SEPTIN10: variants seen among roughly 807,000 people sequenced by gnomAD.
SEPTIN10 encodes septin 10.
SEPTIN10 carries 66 observed loss-of-function variants against 54.8 expected under a neutral mutation model. The ratio of observed to expected loss-of-function variants is 1.21; its 90% confidence interval spans 0.99 to 1.48. The LOEUF (loss-of-function observed/expected upper bound fraction) is 1.48. Ranked by LOEUF, SEPTIN10 falls within the 40% of genes most tolerant of loss-of-function variation. SEPTIN10 has a pLI of 0.00. For missense variants in SEPTIN10, 620 were observed against 545.6 expected, an observed-to-expected ratio of 1.14 and a Z score of -1.36; for synonymous variants, 161 against 181.0, an observed-to-expected ratio of 0.89 and a Z score of 0.89.
chr2:109,564,287 C>A, intron 8 of SEPTIN10, 79 bp downstream of exon 8: 1 of 1,250,162 alleles, frequency 8.0e-7, no homozygotes, highest in Non-Finnish European at 1.1e-6. Context: ...GAACACATGC[C>A]CCATCATCCT....
Position 109,546,170 on chromosome 2 carries a change from C to G in SEPTIN10, c.1229G>C (p.Arg410Thr). Residue 410 changes from arginine (R) to threonine (T), a missense_variant, in exon 10 of 11, where the codon AGA becomes ACA. Physicochemically the swap from Arg to Thr is moderately conservative, Grantham distance 71. Coordinates refer to ENST00000397712, the MANE Select transcript of SEPTIN10 (RefSeq NM_144710.5). ...QEERMKLEEKRRLLEEEIIAF... is the reference protein window; with the variant it reads ...QEERMKLEEKTRLLEEEIIAF... ...AATTATTTCTTCTTCCAAAAGTCTT[C>G]TCTTTTCTTCAAGCTTCATTCTCTC... 6.2e-7 allele frequency: 1 copy of G among 1,609,776 alleles called. No homozygotes were observed. Among genetic ancestry groups the G allele is most frequent in the Non-Finnish European group, 8.5e-7 (1 of 1,178,458 alleles).
In SEPTIN10 at chr2:109,556,674, GC is replaced by G. The variant is rs770027130; in HGVS notation, c.1029-3456del. On this transcript the variant is annotated intron_variant, in intron 8 of 10. Coordinates refer to ENST00000397712, the MANE Select transcript of SEPTIN10 (RefSeq NM_144710.5). ...TGTTGTGATCTTTTTTTTTAAAGAAGCCCCTATATTTATCAGCTACTTTCTT... is the reference window on the plus strand; with the variant it reads ...TGTTGTGATCTTTTTTTTTAAAGAAGCCCTATATTTATCAGCTACTTTCTT... Among the ~76,000 whole-genome samples the G allele has an allele frequency of 3.3e-5, 5 of 151,464 alleles. No homozygotes were observed. The East Asian group carries it at 5.8e-4, about 18-fold the overall frequency.
At chr2:109,603,074 A>C (rs926049201) in intron 1 of SEPTIN10, among the ~76,000 whole-genome samples, 10 of 151,792 alleles carry the variant, frequency 6.6e-5, no homozygotes, top group African/African-American at 2.4e-4. Context: ...CTGTCTCAAA[A>C]ACAAAACAAA....
intron 6 of SEPTIN10, 142 bp from the exon 7 acceptor site, chr2:109,566,001 C>T: frequency 1.4e-6 from 1 of 728,696 alleles, no homozygotes; most frequent in Non-Finnish European, 2.3e-6. Context: ...GATTTTAAAA[C>T]CTGCCAGTGA....
At chr2:109,579,859 G>T (rs1190368607) in intron 4 of SEPTIN10, among the ~76,000 whole-genome samples, 3 of 151,756 alleles carry the variant, frequency 2.0e-5, no homozygotes, top group African/African-American at 7.3e-5. Context: ...AGTGGCTCAT[G>T]CCTGTAATCC....
chr2:109,572,969 C>T (rs1215766044), intron 5 of SEPTIN10, among the ~76,000 whole-genome samples: 3 of 152,202 alleles, frequency 2.0e-5, no homozygotes, highest in South Asian at 2.1e-4. Flanking sequence ...GTAGTTTACA[C>T]TTTTATCATA....
At chr2:109,545,434 C>T in intron 10 of SEPTIN10, 1 of 1,535,960 alleles carries the variant, frequency 6.5e-7, no homozygotes, top group South Asian at 1.2e-5. Context: ...CTCATGGCTG[C>T]CCCCTTGCAC....
chr2:109,576,573 T>C (rs1689736921), intron 4 of SEPTIN10, among the ~76,000 whole-genome samples: 1 of 152,026 alleles, frequency 6.6e-6, no homozygotes, highest in African/African-American at 2.4e-5. Context: ...AAAAATAAAA[T>C]GGGAAAAATT....
intron 1 of SEPTIN10, among the ~76,000 whole-genome samples, chr2:109,602,359 GA>G (rs1408395249): frequency 1.3e-5 from 2 of 152,110 alleles, no homozygotes; most frequent in African/African-American, 4.8e-5. Flanking sequence ...AGACCCTGTG[GA>G]ACTAAATCTC....
intron 8 of SEPTIN10, among the ~76,000 whole-genome samples, chr2:109,563,976 A>G (rs538020712): frequency 1.3e-5 from 2 of 152,276 alleles, no homozygotes; most frequent in African/African-American, 4.8e-5. Context: ...AATAAATAAA[A>G]CTAAGAAAAT....
chr2:109,612,466 G>A (rs779225058), intron 1 of SEPTIN10, among the ~76,000 whole-genome samples: 1 of 152,168 alleles, frequency 6.6e-6, no homozygotes, highest in African/African-American at 2.4e-5. Flanking sequence ...GGTGGATAAA[G>A]GGTACAGGGT....
chr2:109,547,406 G>A (rs1345340190), intron 9 of SEPTIN10, among the ~76,000 whole-genome samples: 2 of 145,664 alleles, frequency 1.4e-5, no homozygotes, highest in Non-Finnish European at 3.0e-5. Flanking sequence ...TGAAAATAAG[G>A]GGTCATTCCA....
intron 4 of SEPTIN10, among the ~76,000 whole-genome samples, chr2:109,576,601 T>C (rs372015464): frequency 1.7e-4 from 26 of 152,224 alleles, no homozygotes; most frequent in African/African-American, 6.3e-4. Flanking sequence ...TAAGTATATA[T>C]TTCACATAAA....
chr2:109,582,891 G>T (rs955306827), intron 4 of SEPTIN10, among the ~76,000 whole-genome samples: 1 of 152,168 alleles, frequency 6.6e-6, no homozygotes, highest in East Asian at 1.9e-4. Flanking sequence ...ACAGGCATCT[G>T]ATCTTCAACA....
intron 9 of SEPTIN10, among the ~76,000 whole-genome samples, chr2:109,548,981 G>A (rs144185432): frequency 1.4e-3 from 220 of 152,164 alleles, no homozygotes; most frequent in Admixed American, 2.6e-3. Flanking sequence ...ACAGATAATC[G>A]ATTAAGGCCC....
intron 1 of SEPTIN10, among the ~76,000 whole-genome samples, chr2:109,598,193 G>C (rs1695731604): frequency 6.6e-6 from 1 of 151,884 alleles, no homozygotes; most frequent in Non-Finnish European, 1.5e-5. Flanking sequence ...CTCCCAAGTA[G>C]AGTAGCTAGG....
intron 9 of SEPTIN10, among the ~76,000 whole-genome samples, chr2:109,548,620 C>CA: frequency 6.6e-6 from 1 of 151,826 alleles, no homozygotes; most frequent in East Asian, 1.9e-4. Context: ...TACTAAAATA[C>CA]AAAAAATTAA....
At chr2:109,564,165 A>G in intron 8 of SEPTIN10, 1 of 426,754 alleles carries the variant, frequency 2.3e-6, no homozygotes, top group Non-Finnish European at 4.0e-6. Context: ...GAGTCAGACA[A>G]GGACTTAAAA....
Position 109,575,840 on chromosome 2 carries a change from G to A in SEPTIN10, c.414-1073C>T, listed in dbSNP as rs114858065. On this transcript the variant is annotated intron_variant, in intron 4 of 10. Transcript: ENST00000397712. Reference sequence around the variant, plus strand: ...ATTAAATTCTTCTATAAAGTTGCCCGACCTTTTAGTCCTTGAGGATCATCA... The same window carrying A: ...ATTAAATTCTTCTATAAAGTTGCCCAACCTTTTAGTCCTTGAGGATCATCA... Among the ~76,000 whole-genome samples, 607 of 152,256 alleles carry A rather than the reference G, an allele frequency of 4.0e-3. 6 individuals are homozygous for A. The highest frequency in any genetic ancestry group is 0.014 in the African/African-American group (563 of 41,554).
Sources: gnomAD v4.1 joint callset for allele counts (sites outside exome capture counted in the v4.1 genomes callset) on GRCh38, gnomAD v4.1.1 for gene constraint, MANE v1.5 for transcripts, NCBI Gene and HGNC (gene_info 2026-07-23, HGNC 2026-07-21) for gene names.